QSOX1: variants seen among roughly 807,000 people sequenced by gnomAD.
The protein encoded by QSOX1 is sulfhydryl oxidase 1.
QSOX1 carries 40 observed loss-of-function variants against 76.1 expected under a neutral mutation model. The ratio of observed to expected loss-of-function variants is 0.53; its 90% CI spans 0.41 to 0.68. The LOEUF (loss-of-function observed/expected upper bound fraction) is 0.68, where lower values mean the gene tolerates loss of function less well. QSOX1 is among the 30% of genes least tolerant of loss of function. The probability of loss-of-function intolerance (pLI) is 0.00; values close to 1 mark genes in which losing one functional copy is unlikely to be tolerated. For missense variants in QSOX1, 931 were observed against 974.3 expected (o/e 0.96, Z 0.59); for synonymous variants, 392 against 413.1 (o/e 0.95, Z 0.62).
rs540238444 is a variant in QSOX1, at chr1:180,199,368, C to G, written c.*2331C>G. ...TGGCAAGAGAGGGTCCCAAGGGGAG[C>G]CCTGCAAAGCAAAGGCTCCTTGTCT... On this transcript the variant is annotated 3_prime_UTR_variant, in exon 12 of 12. Coordinates refer to ENST00000367602, the MANE Select transcript of QSOX1 (RefSeq NM_002826.5). 1 of 152,124 alleles carries G rather than the reference C, an allele frequency of 6.6e-6. No homozygotes were observed. The highest frequency in any genetic ancestry group is 1.5e-5 in the Non-Finnish European group (1 of 68,044). 9.4% of individuals were successfully genotyped at this position (152,124 alleles called of 1,614,324 possible).
At chr1:180,189,819 TG>T in intron 9 of QSOX1, 145 bp downstream of exon 9, 1 of 876,794 alleles carries the variant, frequency 1.1e-6, no homozygotes, top group Non-Finnish European at 1.7e-6. Flanking sequence ...AATCAATAAA[TG>T]ACTATTGATT....
At chr1:180,166,404 A>C in intron 1 of QSOX1, 87 bp from the exon 2 acceptor site, 1 of 1,042,030 alleles carries the variant, frequency 9.6e-7, no homozygotes, top group South Asian at 1.3e-5. Flanking sequence ...TGAGGTTGGC[A>C]GGGGTGAGGC....
chr1:180,157,762 A>G (rs1662405069), intron 1 of QSOX1, among the ~76,000 whole-genome samples: 2 of 152,254 alleles, frequency 1.3e-5, no homozygotes, highest in Non-Finnish European at 2.9e-5. Flanking sequence ...TATCCAATTT[A>G]GACCTTCATT....
intron 5 of QSOX1, among the ~76,000 whole-genome samples, chr1:180,181,147 C>T (rs1663023684): frequency 6.6e-6 from 1 of 152,132 alleles, no homozygotes; most frequent in South Asian, 2.1e-4. Context: ...TACAGGTTAG[C>T]TAGTGCTTTC....
intron 7 of QSOX1, among the ~76,000 whole-genome samples, chr1:180,184,935 C>A (rs551508552): frequency 4.6e-5 from 7 of 152,294 alleles, no homozygotes; most frequent in Admixed American, 2.0e-4. Context: ...TATGAATGAT[C>A]ATCATAATCA....
chr1:180,166,681 G>T, intron 2 of QSOX1, 90 bp downstream of exon 2: 1 of 1,249,190 alleles, frequency 8.0e-7, no homozygotes, highest in South Asian at 1.2e-5. Context: ...GTCGGGATGG[G>T]CAGATTTCAG....
At chr1:180,185,931 C>G in intron 7 of QSOX1, 122 bp from the exon 8 acceptor site, 2 of 1,240,254 alleles carry the variant, frequency 1.6e-6, no homozygotes, top group Non-Finnish European at 2.3e-6. Flanking sequence ...TGGTAACTTA[C>G]AAGACTCTGT....
chr1:180,171,749 A>C (rs1662764871), intron 2 of QSOX1, among the ~76,000 whole-genome samples: 1 of 152,196 alleles, frequency 6.6e-6, no homozygotes, highest in African/African-American at 2.4e-5. Flanking sequence ...CAGTGGGCAC[A>C]GGAGAGCAGT....
Position 180,192,084 on chromosome 1 carries a change from C to T in QSOX1, c.1288+1504C>T, listed in dbSNP as rs146759563. ...TTTACCTTCATTACCTCTTTAAAGA[C>T]CCTGTCTCCAAATACGGCCACATTC... On this transcript the variant is annotated intron_variant, in intron 10 of 11. Coordinates refer to ENST00000367602, the MANE Select transcript of QSOX1 (RefSeq NM_002826.5). 6.8e-3 allele frequency among the ~76,000 whole-genome samples: 1,032 copies of T among 152,304 alleles called. 10 individuals carry two copies. The highest frequency in any genetic ancestry group is 0.024 in the African/African-American group (991 of 41,546).
At position 180,184,351 on chromosome 1, in the gene QSOX1, G is replaced by A. The variant is rs148062031; in HGVS notation, c.887+301G>A. Among the ~76,000 whole-genome samples the A allele has an allele frequency of 6.3e-3, 956 of 152,274 alleles. 5 individuals carry two copies. The highest frequency in any genetic ancestry group is 9.4e-3 in the Non-Finnish European group (637 of 68,014). ...CTCTGCTCACAAATGGGGAATCTGCGTGCAAGGACACTCTGAGGCCTCCAG... is the reference window on the plus strand; with the variant it reads ...CTCTGCTCACAAATGGGGAATCTGCATGCAAGGACACTCTGAGGCCTCCAG... On this transcript the variant is annotated intron_variant, in intron 7 of 11. Transcript: ENST00000367602.
chr1:180,195,102 C>T (rs1204811400), intron 11 of QSOX1, among the ~76,000 whole-genome samples: 1 of 152,082 alleles, frequency 6.6e-6, no homozygotes, highest in African/African-American at 2.4e-5. Context: ...TCCTATCGAA[C>T]TTTGAAAGGA....
Position 180,166,712 on chromosome 1 carries a change from A to G in QSOX1, c.366+121A>G, listed in dbSNP as rs1572040203. 3 of 984,840 alleles carry G rather than the reference A, an allele frequency of 3.0e-6. No individual in the cohort carries two copies. In the South Asian group the frequency reaches 4.2e-5, roughly 14 times the overall value. 61.0% of individuals were successfully genotyped at this position (984,840 alleles called of 1,614,324 possible). ...TTCAGCTGCTCTGATTTGAGCTGGG[A>G]GGTGATCATCACTTGGGCTGGTGAG... On this transcript the variant is annotated intron_variant, in intron 2 of 11. Coordinates refer to ENST00000367602, the MANE Select transcript of QSOX1 (RefSeq NM_002826.5).
In QSOX1 at chr1:180,190,486, G is replaced by A. The variant is rs61736297; in HGVS notation, c.1194G>A (p.Pro398=). ...GGATTGGCTGCCAGGGGAGTGAGCC[G>A]CATTTCCGGGGCTTTCCCTGCTCCC... The part of the protein sequence containing the change: ...VNWIGCQGSE[P]HFRGFPCSLW... The change falls in exon 10 of 12, where the codon CCG becomes CCA. Residue 398 remains proline (P), a synonymous_variant. Coordinates refer to ENST00000367602, the MANE Select transcript of QSOX1 (RefSeq NM_002826.5). 1.4e-3 allele frequency: 2,335 copies of A among 1,613,978 alleles called. 25 individuals are homozygous for A. The African/African-American group carries it at 0.022, about 16-fold the overall frequency.
At chr1:180,161,925 A>C (rs1002383488) in intron 1 of QSOX1, among the ~76,000 whole-genome samples, 3 of 152,200 alleles carry the variant, frequency 2.0e-5, no homozygotes, top group Non-Finnish European at 2.9e-5. Context: ...GTTTCCGTGG[A>C]TCTCCTTGAA....
chr1:180,165,856 A>G (rs919634411), intron 1 of QSOX1, among the ~76,000 whole-genome samples: 6 of 151,592 alleles, frequency 4.0e-5, no homozygotes, highest in Admixed American at 6.6e-5. Context: ...TTCAGCGGCC[A>G]GCAGCCTTGT....
At chr1:180,167,169 A>C (rs1243928388) in intron 2 of QSOX1, among the ~76,000 whole-genome samples, 1 of 152,212 alleles carries the variant, frequency 6.6e-6, no homozygotes, top group East Asian at 1.9e-4. Context: ...AACAGCTTCC[A>C]AGGCTCTCAA....
intron 1 of QSOX1, among the ~76,000 whole-genome samples, chr1:180,162,462 A>C (rs539940857): frequency 6.6e-6 from 1 of 152,168 alleles, no homozygotes; most frequent in South Asian, 2.1e-4. Context: ...CAGCCTGGGC[A>C]TGGTGGCTCA....
At chr1:180,184,195 G>A (rs1663111465) in intron 7 of QSOX1, 145 bp downstream of exon 7, 1 of 1,144,212 alleles carries the variant, frequency 8.7e-7, no homozygotes, top group Non-Finnish European at 1.2e-6. Context: ...CCCCCACCCT[G>A]GGGTCTGGCC....
chr1:180,189,551 G>A lies in QSOX1; in HGVS notation c.1018-1G>A, dbSNP rs772146502. On this transcript the variant is annotated splice_acceptor_variant, in intron 8 of 11. Coordinates refer to ENST00000367602, the MANE Select transcript of QSOX1 (RefSeq NM_002826.5). LOFTEE classifies it high-confidence loss of function. ...CAGCTTCCGCTTGTTCCTCCCCACAGTATTTCCCTGGCCGGCCCTTAGTCC... is the reference window on the plus strand; with the variant it reads ...CAGCTTCCGCTTGTTCCTCCCCACAATATTTCCCTGGCCGGCCCTTAGTCC... 1 of 1,597,456 alleles carries A rather than the reference G, an allele frequency of 6.3e-7. No homozygotes were observed. Among genetic ancestry groups the A allele is most frequent in the African/African-American group, 1.3e-5 (1 of 74,108 alleles).
Sources: gnomAD v4.1 joint callset for allele counts (sites outside exome capture counted in the v4.1 genomes callset) on GRCh38, gnomAD v4.1.1 for gene constraint, MANE v1.5 for transcripts, NCBI Gene and HGNC (gene_info 2026-07-23, HGNC 2026-07-21) for gene names.